MYOG: variants seen among roughly 807,000 people sequenced by gnomAD.
MYOG encodes the protein class C basic helix-loop-helix protein 3.
Under a neutral mutation model 17.7 loss-of-function variants are expected in MYOG, and 6 were observed. That is an observed-to-expected ratio of 0.34 (90% CI 0.19 to 0.67). MYOG has a LOEUF of 0.67. Among genes scored for constraint, MYOG ranks in the 30% least tolerant of loss-of-function variants. The probability of loss-of-function intolerance (pLI) is 0.69; values close to 1 mark genes in which losing one functional copy is unlikely to be tolerated. For missense variants in MYOG, 272 were observed against 302.0 expected, an observed-to-expected ratio of 0.90 and a Z score of 0.74; for synonymous variants, 125 against 130.2, an observed-to-expected ratio of 0.96 and a Z score of 0.27.
rs776592441 is a variant in MYOG at position 203,083,874 on chromosome 1, G to C, written c.*36C>G. Reference sequence around the variant, plus strand: ...AGTAGTGGCATCTGTGGCCAGCTTGGGGGGCTCGCAAGGATGCCCGGCTTG... The same window carrying C: ...AGTAGTGGCATCTGTGGCCAGCTTGCGGGGCTCGCAAGGATGCCCGGCTTG... On this transcript the variant is annotated 3_prime_UTR_variant, in exon 3 of 3. Coordinates refer to ENST00000241651, the MANE Select transcript of MYOG (RefSeq NM_002479.6). 6.3e-6 allele frequency: 10 copies of C among 1,575,066 alleles called. No homozygotes were observed. In the African/African-American group the frequency reaches 9.4e-5, roughly 15 times the overall value.
chr1:203,085,328 C>G (rs1186784992), intron 1 of MYOG, among the ~76,000 whole-genome samples, 163 bp downstream of exon 1: 1 of 152,208 alleles, frequency 6.6e-6, no homozygotes, highest in Non-Finnish European at 1.5e-5. Context: ...CACAGGAGGT[C>G]AGCTGGATAG....
At position 203,083,183 on chromosome 1, in the gene MYOG, C is replaced by CA. The variant is rs71142588; in HGVS notation, c.*726dup. 1,128 of 99,304 alleles carry CA rather than the reference C, an allele frequency of 0.011. 7 individuals are homozygous for CA. The highest frequency in any genetic ancestry group is 0.019 in the South Asian group (57 of 2,924). The allele number at this position is 99,304 out of a possible 1,614,324, so 6.2% of individuals were successfully genotyped here. On this transcript the variant is annotated 3_prime_UTR_variant, in exon 3 of 3. Coordinates refer to ENST00000241651, the MANE Select transcript of MYOG (RefSeq NM_002479.6). The stretch of plus-strand genomic sequence containing the variant: ...AAAAAAGGAAATCCAAATAAGTTAG[C>CA]AAAAAAAAAAAAAAAAAAAAAAAAT...
chr1:203,084,091 A>G, intron 2 of MYOG, 60 bp from the exon 3 acceptor site: 1 of 1,563,694 alleles, frequency 6.4e-7, no homozygotes, highest in Non-Finnish European at 8.7e-7. Context: ...TGAGGCCCAG[A>G]ATAGAGGATG....
rs1387425391 is a variant in MYOG, at chr1:203,083,504, C to G, written c.*406G>C. On this transcript the variant is annotated 3_prime_UTR_variant, in exon 3 of 3. Coordinates refer to ENST00000241651, the MANE Select transcript of MYOG (RefSeq NM_002479.6). ...CCCAGCCACTGGCATCGGGAAGAGA[C>G]CAGAACAGGAGACGTGCACAGCTTG... The G allele has an allele frequency of 2.3e-6, 1 of 434,706 alleles. No individual in the cohort carries two copies. Among genetic ancestry groups the G allele is most frequent in the Non-Finnish European group, 4.1e-6 (1 of 246,624 alleles). 26.9% of individuals were successfully genotyped at this position (434,706 alleles called of 1,614,324 possible). A position where few individuals can be genotyped will look rare whatever the true frequency, so the allele number is the denominator to read the frequency against.
In MYOG at chr1:203,084,684, C is replaced by T; in HGVS notation, c.516G>A (p.Glu172=). 1 of 1,611,972 alleles carries T rather than the reference C, an allele frequency of 6.2e-7. No homozygotes were observed. Among genetic ancestry groups the T allele is most frequent in the Non-Finnish European group, 8.5e-7 (1 of 1,179,078 alleles). Residue 172 remains glutamate (E), a synonymous_variant, in exon 2 of 3, where the codon GAG becomes GAA. Coordinates refer to ENST00000241651, the MANE Select transcript of MYOG (RefSeq NM_002479.6). The part of the protein sequence containing the change: ...CSSHSASCSP[E]WGSALEFSAN... ...CGCTGAACTCCAGTGCACTGCCCCA[C>T]TCTGGACTGCAGGAGGCGCTGTGAG...
In MYOG at chr1:203,083,590, C is replaced by T. The variant is rs1028777133; in HGVS notation, c.*320G>A. ...ACTTGGGGGGTGGAATTAGAGGCCG[C>T]GTTATGATAAAAAGGAAGCTCCTGA... On this transcript the variant is annotated 3_prime_UTR_variant, in exon 3 of 3. Coordinates refer to ENST00000241651, the MANE Select transcript of MYOG (RefSeq NM_002479.6). The T allele has an allele frequency of 5.4e-5, 29 of 532,188 alleles. No individual in the cohort carries two copies. The highest frequency in any genetic ancestry group is 2.8e-4 in the East Asian group (10 of 35,516). The allele number at this position is 532,188 out of a possible 1,614,324, so 33.0% of individuals were successfully genotyped here.
rs1168744893 is a variant in MYOG, at chr1:203,083,186, A to T, written c.*724T>A. On this transcript the variant is annotated 3_prime_UTR_variant, in exon 3 of 3. Coordinates refer to ENST00000241651, the MANE Select transcript of MYOG (RefSeq NM_002479.6). ...AAAGGAAATCCAAATAAGTTAGCAA[A>T]AAAAAAAAAAAAAAAAAAAAATACA... The T allele has an allele frequency of 1.7e-4, 1 of 5,862 alleles. No homozygotes were observed. The highest frequency in any genetic ancestry group is 6.3e-4 in the Non-Finnish European group (1 of 1,576). 0.4% of individuals were successfully genotyped at this position (5,862 alleles called of 1,614,324 possible). A position where few individuals can be genotyped will look rare whatever the true frequency, so the allele number is the denominator to read the frequency against.
intron 2 of MYOG, 68 bp from the exon 3 acceptor site, chr1:203,084,099 A>T: frequency 6.4e-7 from 1 of 1,552,848 alleles, no homozygotes; most frequent in Non-Finnish European, 8.7e-7. Flanking sequence ...AGAATAGAGG[A>T]TGGGACCCTT....
At chr1:203,084,761 C>T (rs12143972) in intron 1 of MYOG, 33 bp from the exon 2 acceptor site, 99,167 of 1,569,064 alleles carry the variant, frequency 0.063, 3,656 homozygotes, top group Non-Finnish European at 0.075. Context: ...AAGGTCGGGG[C>T]ACAGCCATTC....
Position 203,085,531 on chromosome 1 carries a change from C to G in MYOG, c.431G>C (p.Arg144Pro), listed in dbSNP as rs199588577. The stretch of plus-strand genomic sequence containing the variant: ...GCCCCCGCCCCGGTAGCGGAGGTCA[C>G]GCTCCTCCTGGTTGAGGGAGCTGAG... ...ALLSSLNQEE[R>P]DLRYRGGGGP... The change falls in exon 1 of 3, where the codon CGT becomes CCT. Residue 144 changes from arginine to proline, a missense_variant. Arg to Pro is a moderately radical substitution (Grantham distance 103). Coordinates refer to ENST00000241651, the MANE Select transcript of MYOG (RefSeq NM_002479.6). 1 of 1,614,012 alleles carries G rather than the reference C, an allele frequency of 6.2e-7. No homozygotes were observed.
rs1653533366 is a variant in MYOG, at chr1:203,083,290, G to GT, written c.*619dup. ...AGGCCCCAACCCCTTTTCCCTGCCT[G>GT]TCCCCGGCAACTTCAGCACAGGAGA... On this transcript the variant is annotated 3_prime_UTR_variant, in exon 3 of 3. Transcript: ENST00000241651. 1.8e-5 allele frequency: 3 copies of GT among 170,016 alleles called. No homozygotes were observed. Among genetic ancestry groups the GT allele is most frequent in the Non-Finnish European group, 3.7e-5 (3 of 80,996 alleles). 10.5% of individuals were successfully genotyped at this position (170,016 alleles called of 1,614,324 possible). A position where few individuals can be genotyped will look rare whatever the true frequency, so the allele number is the denominator to read the frequency against.
At chr1:203,084,141 T>C in intron 2 of MYOG, 110 bp from the exon 3 acceptor site, 4 of 1,397,292 alleles carry the variant, frequency 2.9e-6, no homozygotes, top group South Asian at 1.3e-5. Flanking sequence ...GACAGATGAA[T>C]GACAAAGCTC....
At chr1:203,084,589 C>T (rs1431101006) in intron 2 of MYOG, 58 bp downstream of exon 2, 5 of 1,453,664 alleles carry the variant, frequency 3.4e-6, no homozygotes, top group Admixed American at 3.7e-5. Context: ...AGGGGAGAAC[C>T]TGGCCCAGGG....
In MYOG at chr1:203,085,986, C is replaced by T; in HGVS notation, c.-25G>A. On this transcript the variant is annotated 5_prime_UTR_variant, in exon 1 of 3. Coordinates refer to ENST00000241651, the MANE Select transcript of MYOG (RefSeq NM_002479.6). ...TGGGGTCGGAAAAGGCTTGTTCCTGCCACCAGCCCCCAAGCTCCAGCAGCC... is the reference window on the plus strand; with the variant it reads ...TGGGGTCGGAAAAGGCTTGTTCCTGTCACCAGCCCCCAAGCTCCAGCAGCC... The T allele has an allele frequency of 1.3e-6, 2 of 1,484,482 alleles. No homozygotes were observed. The highest frequency in any genetic ancestry group is 1.3e-5 in the South Asian group (1 of 74,966). The allele number at this position is 1,484,482 out of a possible 1,614,324, so 92.0% of individuals were successfully genotyped here.
At chr1:203,084,156 G>T in intron 2 of MYOG, 125 bp from the exon 3 acceptor site, 1 of 1,246,766 alleles carries the variant, frequency 8.0e-7, no homozygotes, top group Non-Finnish European at 1.1e-6. Flanking sequence ...AAGCTCCGGA[G>T]TTCTACTCCC....
chr1:203,085,580 A>G lies in MYOG; in HGVS notation c.382T>C (p.Tyr128His). ...KVEILRSAIQ[Y>H]IERLQALLSS... ...AGCAGGGCCTGGAGGCGCTCGATGT[A>G]CTGGATGGCACTGCGCAGGATCTCC... The change falls in exon 1 of 3, where the codon TAC becomes CAC. Residue 128 changes from tyrosine to histidine, a missense_variant. Tyr to His is a moderately conservative substitution (Grantham distance 83). Coordinates refer to ENST00000241651, the MANE Select transcript of MYOG (RefSeq NM_002479.6). 1 of 1,614,136 alleles carries G rather than the reference A, an allele frequency of 6.2e-7. No homozygotes were observed. Among genetic ancestry groups the G allele is most frequent in the Non-Finnish European group, 8.5e-7 (1 of 1,179,988 alleles).
chr1:203,085,416 T>G, intron 1 of MYOG, 75 bp downstream of exon 1: 1 of 1,355,784 alleles, frequency 7.4e-7, no homozygotes, highest in Non-Finnish European at 9.9e-7. Context: ...GAGCCCCTCT[T>G]GGGGTCTTGA....
rs1571760640 is a variant in MYOG at position 203,083,482 on chromosome 1, A to G, written c.*428T>C. ...TCTCAATTCAGGGCAGGCCCAGCCC[A>G]GCCACTGGCATCGGGAAGAGACCAG... On this transcript the variant is annotated 3_prime_UTR_variant, in exon 3 of 3. Coordinates refer to ENST00000241651, the MANE Select transcript of MYOG (RefSeq NM_002479.6). The G allele has an allele frequency of 2.4e-6, 1 of 416,514 alleles. No homozygotes were observed. The highest frequency in any genetic ancestry group is 4.2e-6 in the Non-Finnish European group (1 of 235,672). 25.8% of individuals were successfully genotyped at this position (416,514 alleles called of 1,614,324 possible). A position where few individuals can be genotyped will look rare whatever the true frequency, so the allele number is the denominator to read the frequency against.
chr1:203,084,812 C>T, intron 1 of MYOG, 84 bp from the exon 2 acceptor site: 1 of 1,387,314 alleles, frequency 7.2e-7, no homozygotes, highest in East Asian at 2.5e-5. Flanking sequence ...GGCAGAAGTA[C>T]CTGTGGTGGG....
Sources: gnomAD v4.1 joint callset for allele counts (sites outside exome capture counted in the v4.1 genomes callset) on GRCh38, gnomAD v4.1.1 for gene constraint, MANE v1.5 for transcripts, NCBI Gene and HGNC (gene_info 2026-07-23, HGNC 2026-07-21) for gene names.